The following LRRC49 variants were observed in gnomAD, a reference collection of about 807,000 sequenced individuals.
LRRC49 encodes the protein leucine-rich repeat-containing protein 49.
LRRC49 carries 50 observed loss-of-function variants against 83.3 expected under a neutral mutation model. The observed-to-expected ratio is 0.60, with a 90% CI of 0.48 to 0.76. The LOEUF (loss-of-function observed/expected upper bound fraction) is 0.76. LRRC49 is among the 30% of genes least tolerant of loss of function. The pLI is 0.00. For missense variants in LRRC49, 704 were observed against 809.1 expected, an observed-to-expected ratio of 0.87 and a Z score of 1.58; for synonymous variants, 286 against 283.3, an observed-to-expected ratio of 1.01 and a Z score of -0.10.
At chr15:70,864,511 A>G (rs955620137) in intron 1 of LRRC49, among the ~76,000 whole-genome samples, 4 of 152,104 alleles carry the variant, frequency 2.6e-5, no homozygotes, top group African/African-American at 9.7e-5. Flanking sequence ...CCCTCATCTC[A>G]TGTCCATCTT....
intron 9 of LRRC49, among the ~76,000 whole-genome samples, chr15:70,964,171 C>T (rs1334088874): frequency 2.0e-5 from 3 of 152,034 alleles, no homozygotes; most frequent in Admixed American, 2.0e-4. Flanking sequence ...GTTTATTTTT[C>T]ATTCTTGCTT....
rs182516314 is a variant in LRRC49, at chr15:70,868,703, T to C, written c.-298-4205T>C. On this transcript the variant is annotated intron_variant, in intron 1 of 16. Coordinates refer to the LRRC49 transcript ENST00000544974. ...GACCATAAGAATCTCAGCTTTAAAC[T>C]TGGGTCACCCCAAATGTGGAATTGA... Among the ~76,000 whole-genome samples the C allele has an allele frequency of 3.9e-4, 60 of 152,340 alleles. 1 individual carries two copies. The highest frequency in any genetic ancestry group is 2.9e-3 in the Admixed American group (44 of 15,310).
chr15:71,047,421 C>T (rs530171812), intron 15 of LRRC49, among the ~76,000 whole-genome samples: 4 of 152,196 alleles, frequency 2.6e-5, no homozygotes, highest in African/African-American at 7.2e-5. Context: ...TGTATTCCTA[C>T]GTATTTCATT....
At chr15:71,048,781 C>G (rs1481838422) in intron 15 of LRRC49, 1 of 455,968 alleles carries the variant, frequency 2.2e-6, no homozygotes, top group East Asian at 6.9e-5. Flanking sequence ...TTTTCATTTT[C>G]ACACTGCCAG....
intron 14 of LRRC49, among the ~76,000 whole-genome samples, chr15:71,032,767 A>G (rs1182749108): frequency 2.0e-5 from 3 of 152,186 alleles, no homozygotes; most frequent in African/African-American, 7.2e-5. Context: ...AAACCACATG[A>G]TTATCTCAAT....
intron 11 of LRRC49, among the ~76,000 whole-genome samples, chr15:71,005,937 C>T (rs1884694995): frequency 6.6e-6 from 1 of 152,034 alleles, no homozygotes; most frequent in Admixed American, 6.6e-5. Context: ...ACACACTTTC[C>T]CAGAGGAGCA....
Position 70,873,197 on chromosome 15 carries a change from C to A in LRRC49, c.-9C>A, listed in dbSNP as rs529661839. ...ACCTCGCCCAGCCAACTTGACATAACTTTTAAAGATGGATTGCCAAGCTGA... is the reference window on the plus strand; with the variant it reads ...ACCTCGCCCAGCCAACTTGACATAAATTTTAAAGATGGATTGCCAAGCTGA... On this transcript the variant is annotated 5_prime_UTR_variant, in exon 2 of 17. Transcript: ENST00000544974. The A allele has an allele frequency of 3.1e-5, 48 of 1,535,990 alleles. No individual in the cohort carries two copies. In the African/African-American group the frequency reaches 5.2e-4, roughly 17 times the overall value.
At chr15:70,918,790 A>C (rs576709159) in intron 6 of LRRC49, 3 of 303,906 alleles carry the variant, frequency 9.9e-6, no homozygotes, top group African/African-American at 6.6e-5. Flanking sequence ...TGCCCAATGG[A>C]CTCATTGACT....
rs2222780 is a variant in LRRC49 at position 70,887,005 on chromosome 15, A to G, written c.19-6579A>G. On this transcript the variant is annotated intron_variant, in intron 2 of 16. Transcript: ENST00000544974. Reference sequence around the variant, plus strand: ...AGGTTTTGTGTCAATACATTTAAAAATTTAGATGGAACAGACAAATTAAAA... The same window carrying G: ...AGGTTTTGTGTCAATACATTTAAAAGTTTAGATGGAACAGACAAATTAAAA... 6.5e-3 allele frequency among the ~76,000 whole-genome samples: 997 copies of G among 152,370 alleles called. 57 individuals carry two copies. In the East Asian group the frequency reaches 0.14, roughly 21 times the overall value.
At chr15:70,948,930 C>G (rs573501957) in intron 8 of LRRC49, among the ~76,000 whole-genome samples, 1 of 152,264 alleles carries the variant, frequency 6.6e-6, no homozygotes, top group Admixed American at 6.5e-5. Context: ...CAGTTGGTCT[C>G]TGTTTCAAGT....
intron 15 of LRRC49, among the ~76,000 whole-genome samples, chr15:71,047,634 A>C (rs989359623): frequency 3.9e-4 from 59 of 152,200 alleles, no homozygotes; most frequent in African/African-American, 1.4e-3. Flanking sequence ...AAAGAGAGAT[A>C]GTTTGACTTC....
At chr15:70,909,662 A>C (rs1257373444) in intron 5 of LRRC49, among the ~76,000 whole-genome samples, 1 of 152,068 alleles carries the variant, frequency 6.6e-6, no homozygotes, top group Non-Finnish European at 1.5e-5. Flanking sequence ...AACATGGTGA[A>C]ACCCCGTCTC....
chr15:70,962,701 T>G (rs1433633852), intron 8 of LRRC49, among the ~76,000 whole-genome samples: 1 of 152,076 alleles, frequency 6.6e-6, no homozygotes, highest in East Asian at 1.9e-4. Context: ...TGGAACAATT[T>G]GAACAACAAA....
intron 11 of LRRC49, among the ~76,000 whole-genome samples, chr15:70,991,554 A>G (rs1367343549): frequency 6.6e-6 from 1 of 152,170 alleles, no homozygotes; most frequent in Non-Finnish European, 1.5e-5. Context: ...AGTACTCAGC[A>G]TGTGGCAAGT....
chr15:70,909,102 T>G (rs1448958859), intron 5 of LRRC49, among the ~76,000 whole-genome samples: 1 of 152,182 alleles, frequency 6.6e-6, no homozygotes, highest in Non-Finnish European at 1.5e-5. Context: ...TCAGGATTTC[T>G]CATAAAGACA....
intron 6 of LRRC49, among the ~76,000 whole-genome samples, chr15:70,914,435 G>A (rs1169787468): frequency 6.6e-6 from 1 of 152,134 alleles, no homozygotes; most frequent in Admixed American, 6.5e-5. Context: ...TGATGATGGT[G>A]TTCAGGAAAT....
At chr15:70,977,948 C>T (rs1364812387) in intron 9 of LRRC49, among the ~76,000 whole-genome samples, 2 of 152,044 alleles carry the variant, frequency 1.3e-5, no homozygotes, top group East Asian at 3.8e-4. Context: ...GCATTTGTTA[C>T]CTTATTTCTA....
At chr15:70,859,938 T>C (rs1477384553) in intron 1 of LRRC49, 1 of 766,332 alleles carries the variant, frequency 1.3e-6, no homozygotes, top group East Asian at 2.4e-5. Context: ...ATGCAGAACA[T>C]GACAATCCAT....
chr15:71,027,716 A>G (rs1477048153), intron 14 of LRRC49, among the ~76,000 whole-genome samples: 1 of 152,150 alleles, frequency 6.6e-6, no homozygotes, highest in African/African-American at 2.4e-5. Flanking sequence ...TGTGAATGGT[A>G]GTTCACTCAT....
Sources: allele counts gnomAD v4.1 joint callset (sites outside exome capture counted in the v4.1 genomes callset), GRCh38; gene constraint gnomAD v4.1.1; transcripts MANE v1.5; gene names NCBI Gene and HGNC (gene_info 2026-07-23, HGNC 2026-07-21).